The following VAV3 variants were observed in gnomAD, a reference collection of about 807,000 sequenced individuals.
VAV3 encodes guanine nucleotide exchange factor VAV3.
A neutral mutation model predicts 131.2 loss-of-function variants in VAV3; 94 were observed. That is an observed-to-expected ratio of 0.72 (90% confidence interval 0.61 to 0.85). VAV3 has a LOEUF of 0.85. Among genes scored for constraint, VAV3 ranks in the 40% least tolerant of loss-of-function variants. The pLI is 0.00. For synonymous variants in VAV3, 349 were observed against 342.0 expected (o/e 1.02, Z -0.22); for missense variants, 939 against 1,002.7 (o/e 0.94, Z 0.86).
intron 15 of VAV3, 39 bp downstream of exon 15, chr1:107,748,929 A>T: frequency 1.4e-6 from 2 of 1,387,396 alleles, no homozygotes; most frequent in Non-Finnish European, 2.0e-6. Flanking sequence ...TGATTTAACT[A>T]GTAAAAATAA....
chr1:107,917,213 G>C (rs17020361), intron 1 of VAV3, among the ~76,000 whole-genome samples: 1 of 152,008 alleles, frequency 6.6e-6, no homozygotes. Context: ...CTGTACTCAA[G>C]CATCAGCAGC....
intron 19 of VAV3, among the ~76,000 whole-genome samples, chr1:107,681,058 C>T (rs760160380): frequency 3.0e-4 from 45 of 152,132 alleles, no homozygotes; most frequent in Non-Finnish European, 4.3e-4. Context: ...CTTTCCAGTG[C>T]AAAAGGGCTA....
intron 15 of VAV3, among the ~76,000 whole-genome samples, chr1:107,726,707 AT>A (rs912146761): frequency 2.6e-5 from 4 of 152,232 alleles, no homozygotes; most frequent in African/African-American, 9.6e-5. Context: ...CTTTATTAAG[AT>A]TTTGAATGCA....
At chr1:107,704,441 G>A in intron 17 of VAV3, 109 bp downstream of exon 17, 3 of 739,628 alleles carry the variant, frequency 4.1e-6, no homozygotes, top group Non-Finnish European at 6.6e-6. Flanking sequence ...AGTTTCAAAA[G>A]CAGATATGTT....
chr1:107,584,100 C>T (rs1321743078), intron 25 of VAV3, among the ~76,000 whole-genome samples: 1 of 152,162 alleles, frequency 6.6e-6, no homozygotes, highest in Non-Finnish European at 1.5e-5. Flanking sequence ...AGAAATAACA[C>T]CGCATATCTA....
rs1405092927 is a variant in VAV3 at position 107,574,061 on chromosome 1, C to T, written c.2488G>A (p.Glu830Lys). 6.2e-7 allele frequency: 1 copy of T among 1,614,108 alleles called. No homozygotes were observed. Among genetic ancestry groups the T allele is most frequent in the Non-Finnish European group, 8.5e-7 (1 of 1,180,010 alleles). The part of the protein sequence containing the change: ...KMSANGWWRG[E>K]VNGRVGWFPS... ...GGCCAACTTACCCTGCCATTTACTT[C>T]TCCTCTCCACCAGCCATTTGCACTC... The change falls in exon 26 of 27, where the codon GAA (glutamate) becomes AAA (lysine). Residue 830 changes from glutamate (E) to lysine (K), a missense_variant. By Grantham distance (56) the Glu-to-Lys change is moderately conservative. Transcript: ENST00000370056.
At chr1:107,873,834 A>T (rs558355257) in intron 2 of VAV3, among the ~76,000 whole-genome samples, 1 of 152,244 alleles carries the variant, frequency 6.6e-6, no homozygotes, top group Admixed American at 6.5e-5. Context: ...CAAAATGACC[A>T]TGGGTTAAGA....
At chr1:107,704,836 G>C in intron 16 of VAV3, 124 bp downstream of exon 16, 1 of 1,120,462 alleles carries the variant, frequency 8.9e-7, no homozygotes, top group South Asian at 1.4e-5. Flanking sequence ...AGGTTTGTGG[G>C]ATCCAGACTG....
intron 1 of VAV3, among the ~76,000 whole-genome samples, chr1:107,901,705 T>C (rs1220752521): frequency 6.6e-6 from 1 of 152,198 alleles, no homozygotes; most frequent in Non-Finnish European, 1.5e-5. Flanking sequence ...TACTATGTTG[T>C]TGGGACATAA....
chr1:107,730,436 C>T (rs1443908737), intron 15 of VAV3, among the ~76,000 whole-genome samples: 2 of 152,112 alleles, frequency 1.3e-5, no homozygotes, highest in Non-Finnish European at 2.9e-5. Context: ...AGACTAAAAT[C>T]TTATCTAAAT....
intron 1 of VAV3, among the ~76,000 whole-genome samples, chr1:107,956,507 G>A (rs1455844740): frequency 6.6e-6 from 1 of 152,152 alleles, no homozygotes; most frequent in Admixed American, 6.5e-5. Flanking sequence ...GTCAGCCACA[G>A]CAACGGTATA....
Position 107,839,554 on chromosome 1 carries a change from A to G in VAV3, c.321+35347T>C, listed in dbSNP as rs530121797. ...TCCTTAGAGAAAAATTTATAGCATTAAATGCATATATTAAACCAGAAAAAA... is the reference window on the plus strand; with the variant it reads ...TCCTTAGAGAAAAATTTATAGCATTGAATGCATATATTAAACCAGAAAAAA... On this transcript the variant is annotated intron_variant, in intron 2 of 26. Coordinates refer to ENST00000370056, the MANE Select transcript of VAV3 (RefSeq NM_006113.5). 2.0e-5 allele frequency among the ~76,000 whole-genome samples: 3 copies of G among 152,246 alleles called. No individual in the cohort carries two copies. The South Asian group carries it at 6.2e-4, about 32-fold the overall frequency.
chr1:107,963,248 A>ACAGGT (rs1192818730), intron 1 of VAV3, among the ~76,000 whole-genome samples: 1 of 152,136 alleles, frequency 6.6e-6, no homozygotes, highest in Non-Finnish European at 1.5e-5. Context: ...TCCTGAGGCT[A>ACAGGT]CAGGCAAAGT....
At chr1:107,927,473 G>A (rs1360659432) in intron 1 of VAV3, among the ~76,000 whole-genome samples, 2 of 151,152 alleles carry the variant, frequency 1.3e-5, no homozygotes, top group African/African-American at 4.9e-5. Flanking sequence ...GCCACAGGGG[G>A]ATATAGTACC....
chr1:107,577,597 C>A (rs887200548), intron 25 of VAV3, among the ~76,000 whole-genome samples: 5 of 152,188 alleles, frequency 3.3e-5, no homozygotes, highest in African/African-American at 1.2e-4. Context: ...CCTTTCCTAA[C>A]AATACAGTGG....
chr1:107,622,727 C>T (rs1368888269), intron 20 of VAV3, among the ~76,000 whole-genome samples: 1 of 152,190 alleles, frequency 6.6e-6, no homozygotes, highest in Non-Finnish European at 1.5e-5. Flanking sequence ...AGCAATTTAT[C>T]ACACATGGGT....
intron 15 of VAV3, among the ~76,000 whole-genome samples, chr1:107,722,475 A>T (rs542392146): frequency 6.6e-6 from 1 of 152,218 alleles, no homozygotes; most frequent in South Asian, 2.1e-4. Flanking sequence ...TGAAACAGAC[A>T]CATGTGCCAG....
At chr1:107,667,239 T>C (rs962510159) in intron 19 of VAV3, among the ~76,000 whole-genome samples, 6 of 152,216 alleles carry the variant, frequency 3.9e-5, no homozygotes, top group African/African-American at 1.2e-4. Context: ...TTCCACAATA[T>C]AGTCTCTCAG....
At chr1:107,738,624 C>G (rs555734914) in intron 15 of VAV3, among the ~76,000 whole-genome samples, 1 of 152,160 alleles carries the variant, frequency 6.6e-6, no homozygotes, top group Non-Finnish European at 1.5e-5. Context: ...AGTTTCCAAT[C>G]GCAGCTTATT....
Sources: gnomAD v4.1 joint callset for allele counts (sites outside exome capture counted in the v4.1 genomes callset) on GRCh38, gnomAD v4.1.1 for gene constraint, MANE v1.5 for transcripts, NCBI Gene and HGNC (gene_info 2026-07-23, HGNC 2026-07-21) for gene names.